WDR7: variants seen among roughly 807,000 people sequenced by gnomAD.
The protein encoded by WDR7 is WD repeat-containing protein 7.
In WDR7, 46 loss-of-function variants were observed where a neutral mutation model predicts 169.4. That is an observed-to-expected ratio of 0.27 (90% CI 0.21 to 0.35). WDR7 has a LOEUF of 0.35. WDR7 is among the 10% of genes least tolerant of loss of function. WDR7 has a pLI of 1.00. For synonymous variants in WDR7, 612 were observed against 666.8 expected, an observed-to-expected ratio of 0.92 and a Z score of 1.27; for missense variants, 1,534 against 1,859.3, an observed-to-expected ratio of 0.83 and a Z score of 3.22.
rs530862895 is a variant in WDR7, at chr18:56,845,341, T to G, written c.3304+29197T>G. ...TATTTTGAGTATTTTTTAATTTTTC[T>G]ATAATATGTTATTTTTTAGGAAATA... On this transcript the variant is annotated intron_variant, in intron 20 of 27. Coordinates refer to ENST00000254442, the MANE Select transcript of WDR7 (RefSeq NM_015285.3). 3.3e-5 allele frequency among the ~76,000 whole-genome samples: 5 copies of G among 152,244 alleles called. No individual in the cohort carries two copies. The South Asian group carries it at 1.0e-3, about 32-fold the overall frequency.
downstream of WDR7, chr18:57,032,801 T>TTATATATATATATATATATA (rs56876611): frequency 1.4e-4 from 15 of 106,190 alleles, no homozygotes; most frequent in Non-Finnish European, 2.2e-4. Flanking sequence ...TATAATTATT[T>TTATATATATATATATATATA]TATATATATA....
intron 13 of WDR7, 127 bp downstream of exon 13, chr18:56,718,286 A>G (rs1266614236): frequency 1.6e-5 from 17 of 1,044,808 alleles, no homozygotes; most frequent in Middle Eastern, 3.1e-4. Context: ...TTTTATTTCT[A>G]ATTGTTTAAG....
At chr18:57,033,340 T>A (rs2145969654), downstream of WDR7, 1 of 152,306 alleles carries the variant, frequency 6.6e-6, no homozygotes, top group Non-Finnish European at 1.5e-5. Context: ...TAGGAATTTA[T>A]AGAAGTCAAA....
intron 20 of WDR7, among the ~76,000 whole-genome samples, chr18:56,839,130 A>G (rs1299291197): frequency 6.6e-6 from 1 of 152,150 alleles, no homozygotes; most frequent in African/African-American, 2.4e-5. Flanking sequence ...CATAATTCAT[A>G]TATTTTTATT....
intron 14 of WDR7, among the ~76,000 whole-genome samples, chr18:56,739,708 G>T (rs1204521860): frequency 1.3e-5 from 2 of 151,744 alleles, no homozygotes; most frequent in Non-Finnish European, 2.9e-5. Flanking sequence ...TTAGGTTGGT[G>T]GTCTTTTGCA....
intron 20 of WDR7, among the ~76,000 whole-genome samples, chr18:56,872,091 TC>T (rs35771017): frequency 0.06 from 9,063 of 152,144 alleles, 930 homozygotes; most frequent in African/African-American, 0.21. Context: ...AATATATGGC[TC>T]AATAGCACAT....
intron 16 of WDR7, 34 bp downstream of exon 16, chr18:56,758,987 C>A (rs1039488462): frequency 6.5e-7 from 1 of 1,547,654 alleles, no homozygotes; most frequent in African/African-American, 1.4e-5. Context: ...ATTGACATGA[C>A]ATTTCAGCTC....
intron 1 of WDR7, among the ~76,000 whole-genome samples, chr18:56,653,237 G>A (rs1168745439): frequency 2.7e-5 from 4 of 150,602 alleles, no homozygotes; most frequent in African/African-American, 9.8e-5. Flanking sequence ...ATGGAGTTTC[G>A]CTCTTATTGC....
chr18:56,829,949 A>G (rs1160839093), intron 20 of WDR7, among the ~76,000 whole-genome samples: 1 of 152,224 alleles, frequency 6.6e-6, no homozygotes, highest in East Asian at 1.9e-4. Context: ...AAAGTTAGAA[A>G]ATAACAACAC....
At chr18:56,788,250 A>G (rs1055770706) in intron 19 of WDR7, among the ~76,000 whole-genome samples, 1 of 152,168 alleles carries the variant, frequency 6.6e-6, no homozygotes, top group Non-Finnish European at 1.5e-5. Flanking sequence ...TGCTTATTGA[A>G]GAGAATATAC....
At chr18:56,681,880 G>A (rs1211858396) in intron 4 of WDR7, among the ~76,000 whole-genome samples, 1 of 152,174 alleles carries the variant, frequency 6.6e-6, no homozygotes, top group Non-Finnish European at 1.5e-5. Context: ...TTAATATGTA[G>A]AGTGTTACAC....
At chr18:57,025,610 C>G (rs1403008191) in intron 27 of WDR7, among the ~76,000 whole-genome samples, 1 of 151,968 alleles carries the variant, frequency 6.6e-6, no homozygotes, top group Non-Finnish European at 1.5e-5. Flanking sequence ...TTTTTTTCAC[C>G]TCTGTGTTGT....
chr18:56,766,372 T>C (rs1284676485), intron 16 of WDR7, among the ~76,000 whole-genome samples: 1 of 152,140 alleles, frequency 6.6e-6, no homozygotes, highest in East Asian at 1.9e-4. Context: ...GGGACTGAAA[T>C]TACATGTACG....
intron 14 of WDR7, among the ~76,000 whole-genome samples, chr18:56,735,075 T>A (rs1266929652): frequency 6.6e-6 from 1 of 152,184 alleles, no homozygotes; most frequent in African/African-American, 2.4e-5. Context: ...AGAAATATTT[T>A]GTCATATCTA....
chr18:57,012,459 C>T (rs1244100486), intron 26 of WDR7, among the ~76,000 whole-genome samples: 4 of 143,664 alleles, frequency 2.8e-5, no homozygotes, highest in Non-Finnish European at 3.1e-5. Context: ...AGGGGTTCTG[C>T]GAGGTCCCCT....
chr18:56,691,664 A>G, intron 8 of WDR7, 51 bp from the exon 9 acceptor site: 2 of 1,467,874 alleles, frequency 1.4e-6, no homozygotes, highest in Admixed American at 2.1e-5. Flanking sequence ...GGAATTATAA[A>G]GTATTTAATG....
chr18:56,753,908 T>C (rs577758711), intron 14 of WDR7, among the ~76,000 whole-genome samples: 32 of 152,124 alleles, frequency 2.1e-4, no homozygotes, highest in Non-Finnish European at 4.3e-4. Flanking sequence ...AGCTTTATTT[T>C]CTAATTATTA....
intron 1 of WDR7, among the ~76,000 whole-genome samples, chr18:56,666,139 G>A (rs1376967934): frequency 1.3e-5 from 2 of 150,718 alleles, no homozygotes; most frequent in African/African-American, 4.9e-5. Flanking sequence ...CCTTCCTGAA[G>A]GAAGATTTGG....
chr18:56,918,518 G>C lies in WDR7; in HGVS notation c.3527-5404G>C, dbSNP rs180690334. 9.2e-5 allele frequency among the ~76,000 whole-genome samples: 14 copies of C among 151,846 alleles called. No homozygotes were observed. In the East Asian group the frequency reaches 2.5e-3, roughly 27 times the overall value. The stretch of plus-strand genomic sequence containing the variant: ...AGTACTATTTCAATTTTTTTATTTT[G>C]TTTTTTATAAACATTAGAGAATACC... On this transcript the variant is annotated intron_variant, in intron 21 of 27. Coordinates refer to ENST00000254442, the MANE Select transcript of WDR7 (RefSeq NM_015285.3).
Sources: allele counts gnomAD v4.1 joint callset (sites outside exome capture counted in the v4.1 genomes callset), GRCh38; gene constraint gnomAD v4.1.1; transcripts MANE v1.5; gene names NCBI Gene and HGNC (gene_info 2026-07-23, HGNC 2026-07-21).